The following CACNG2 variants were observed in gnomAD, a reference collection of about 807,000 sequenced individuals.
CACNG2 encodes the protein voltage-dependent calcium channel gamma-2 subunit.
Under a neutral mutation model 25.9 loss-of-function variants are expected in CACNG2, and 3 were observed. That is an observed-to-expected ratio of 0.12 (90% CI 0.05 to 0.30). The LOEUF (loss-of-function observed/expected upper bound fraction) is 0.30, where lower values mean the gene tolerates loss of function less well. CACNG2 is among the 10% of genes least tolerant of loss of function. The pLI is 1.00. For synonymous variants in CACNG2, 167 were observed against 173.3 expected (o/e 0.96, Z 0.29); for missense variants, 341 against 432.5 (o/e 0.79, Z 1.88).
intron 1 of CACNG2, among the ~76,000 whole-genome samples, chr22:36,647,398 C>A (rs941906064): frequency 1.3e-5 from 2 of 152,244 alleles, no homozygotes; most frequent in Non-Finnish European, 1.5e-5. Flanking sequence ...GAGTTTGAGA[C>A]CAGCCTGGCC....
At chr22:36,595,944 A>T (rs1306824033) in intron 1 of CACNG2, among the ~76,000 whole-genome samples, 1 of 152,222 alleles carries the variant, frequency 6.6e-6, no homozygotes, top group South Asian at 2.1e-4. Flanking sequence ...TGCAGGTATT[A>T]AGTAGTTTAA....
At chr22:36,591,766 A>G (rs980296099) in intron 1 of CACNG2, among the ~76,000 whole-genome samples, 1 of 152,030 alleles carries the variant, frequency 6.6e-6, no homozygotes, top group Non-Finnish European at 1.5e-5. Flanking sequence ...GTGCAAGGAG[A>G]TGAGGCCCAG....
intron 1 of CACNG2, among the ~76,000 whole-genome samples, chr22:36,618,485 T>G (rs78849568): frequency 0.019 from 2,962 of 152,322 alleles, 107 homozygotes; most frequent in African/African-American, 0.067. Context: ...CTTACCTTTC[T>G]CTAGTCCTGA....
Position 36,564,680 on chromosome 22 carries a change from T to C in CACNG2, c.643A>G (p.Thr215Ala), listed in dbSNP as rs1935095814. ...ATGGCAGAGGCCTGGAGGTAGTCCG[T>C]GGCGCGGGCCGTGGCCCGCAGCTGT... is the stretch of plus-strand genomic sequence containing the variant. The part of the protein sequence containing the change: ...HKQLRATARA[T>A]DYLQASAITR... The change falls in exon 4 of 4, where the codon ACG becomes GCG. Residue 215 changes from threonine to alanine, a missense_variant. This residue lies in a region of CACNG2 where 172 missense variants were observed against 178.1 expected (regional missense o/e 0.97). Coordinates refer to ENST00000300105, the MANE Select transcript of CACNG2 (RefSeq NM_006078.5). This position sits in a 1 kb window ranked among gnomAD's most constrained non-coding sequence, Gnocchi z 6.7. The C allele has an allele frequency of 1.2e-6, 2 of 1,613,950 alleles. No individual in the cohort carries two copies. The highest frequency in any genetic ancestry group is 8.5e-7 in the Non-Finnish European group (1 of 1,179,996).
intron 1 of CACNG2, among the ~76,000 whole-genome samples, chr22:36,689,569 TTTAAG>T (rs1490861563): frequency 3.3e-5 from 5 of 152,200 alleles, no homozygotes; most frequent in African/African-American, 1.2e-4. Context: ...ACGACAGGTC[TTTAAG>T]TTAATATTCT....
chr22:36,634,254 G>T (rs1936321861), intron 1 of CACNG2, among the ~76,000 whole-genome samples: 5 of 152,178 alleles, frequency 3.3e-5, no homozygotes, highest in Admixed American at 3.3e-4. Flanking sequence ...ACAGGCCTGG[G>T]ATCTGACCAG....
chr22:36,563,366 C>CA lies in CACNG2; in HGVS notation c.*984_*985insT, dbSNP rs961021131. Among the ~76,000 whole-genome samples the CA allele has an allele frequency of 5.4e-5, 8 of 148,032 alleles. No individual in the cohort carries two copies. Among genetic ancestry groups the CA allele is most frequent in the Non-Finnish European group, 9.1e-5 (6 of 66,292 alleles). On this transcript the variant is annotated 3_prime_UTR_variant, in exon 4 of 4. Transcript: ENST00000300105. ...GGAGGGAGAGCTGTTTCATGTCCCCCGGGGGGGGGGGTGGCATCTCCTGAC... is the reference window on the plus strand; with the variant it reads ...GGAGGGAGAGCTGTTTCATGTCCCCCAGGGGGGGGGGGTGGCATCTCCTGAC...
At chr22:36,639,038 G>A (rs182653831) in intron 1 of CACNG2, among the ~76,000 whole-genome samples, 397 of 152,260 alleles carry the variant, frequency 2.6e-3, no homozygotes, top group Non-Finnish European at 4.2e-3. Context: ...TAACTCAGCC[G>A]GCGGAGGGGT....
chr22:36,683,862 G>A (rs981569358), intron 1 of CACNG2, among the ~76,000 whole-genome samples: 3 of 152,076 alleles, frequency 2.0e-5, no homozygotes, highest in African/African-American at 4.8e-5. Context: ...CACCCCCCGC[G>A]ACCCCTGGCT....
At chr22:36,594,562 G>A (rs1012493397) in intron 1 of CACNG2, among the ~76,000 whole-genome samples, 2 of 152,196 alleles carry the variant, frequency 1.3e-5, no homozygotes, top group African/African-American at 2.4e-5. Context: ...CAGATGGAAG[G>A]TGTGTCCAGG....
At chr22:36,663,094 C>T (rs1047109062) in intron 1 of CACNG2, among the ~76,000 whole-genome samples, 4 of 152,088 alleles carry the variant, frequency 2.6e-5, no homozygotes, top group Non-Finnish European at 5.9e-5. Flanking sequence ...AGGATCCCAT[C>T]CTCCTCCATG....
In CACNG2 at chr22:36,564,072, TAA is replaced by T. The variant is rs1661440935; in HGVS notation, c.*277_*278del. 2 of 322,244 alleles carry T rather than the reference TAA, an allele frequency of 6.2e-6. No homozygotes were observed. The highest frequency in any genetic ancestry group is 1.1e-5 in the Non-Finnish European group (2 of 178,434). The allele number at this position is 322,244 out of a possible 1,614,324, so 20.0% of individuals were successfully genotyped here. ...ATTTTTTATCCCTCTCGCTTTTTTT[TAA>T]AGTTTGTTTTCTTCCCTCGTTTATA... On this transcript the variant is annotated 3_prime_UTR_variant, in exon 4 of 4. Transcript: ENST00000300105. The surrounding 1 kb of genome is among the most constrained non-coding windows in gnomAD (Gnocchi z 6.7).
intron 2 of CACNG2, among the ~76,000 whole-genome samples, chr22:36,575,274 G>T (rs1935294417): frequency 6.6e-6 from 1 of 152,194 alleles, no homozygotes; most frequent in African/African-American, 2.4e-5. Context: ...TGCCCAGGAG[G>T]CAAGCGACAT....
At chr22:36,692,019 G>A (rs1937273015) in intron 1 of CACNG2, among the ~76,000 whole-genome samples, 1 of 152,166 alleles carries the variant, frequency 6.6e-6, no homozygotes, top group Non-Finnish European at 1.5e-5. Flanking sequence ...ATAGAAAAAA[G>A]TGCATACATC....
chr22:36,650,541 T>C (rs994098944), intron 1 of CACNG2, among the ~76,000 whole-genome samples: 12 of 152,082 alleles, frequency 7.9e-5, no homozygotes, highest in African/African-American at 2.9e-4. Flanking sequence ...ACCCAGCTAA[T>C]ATTTTTTTTA....
chr22:36,683,662 C>T (rs1180013847), intron 1 of CACNG2, among the ~76,000 whole-genome samples: 1 of 152,142 alleles, frequency 6.6e-6, no homozygotes, highest in East Asian at 1.9e-4. Flanking sequence ...GTAAATCCTT[C>T]TATGCTTGGA....
At chr22:36,642,356 C>G (rs937564979) in intron 1 of CACNG2, among the ~76,000 whole-genome samples, 2 of 152,172 alleles carry the variant, frequency 1.3e-5, no homozygotes, top group African/African-American at 4.8e-5. Context: ...TTCCACTCCA[C>G]CCCCAATGCA....
intron 1 of CACNG2, among the ~76,000 whole-genome samples, chr22:36,641,082 A>G (rs1936436531): frequency 6.6e-6 from 1 of 152,124 alleles, no homozygotes; most frequent in African/African-American, 2.4e-5. Flanking sequence ...CTGTTCAATG[A>G]CCGCCTCCTC....
intron 1 of CACNG2, among the ~76,000 whole-genome samples, chr22:36,666,673 C>T (rs1235088917): frequency 4.0e-5 from 6 of 151,640 alleles, no homozygotes; most frequent in African/African-American, 1.5e-4. Context: ...ATAGTAAAGG[C>T]TATGTTATGT....
Sources: gnomAD v4.1 joint callset for allele counts (sites outside exome capture counted in the v4.1 genomes callset) on GRCh38, gnomAD v4.1.1 for gene constraint, gnomAD v4.1.1 regional missense constraint, Gnocchi (gnomAD v3.1) non-coding constraint, MANE v1.5 for transcripts, NCBI Gene and HGNC (gene_info 2026-07-23, HGNC 2026-07-21) for gene names.